Variants in RNF13 observed in about 807,000 individuals in gnomAD.
RNF13 encodes the protein ring finger protein 13, also known as E3 ubiquitin-protein ligase RNF13.
A neutral mutation model predicts 37.7 loss-of-function variants in RNF13; 19 were observed. That is an observed-to-expected ratio of 0.50 (90% CI 0.35 to 0.74). The LOEUF (loss-of-function observed/expected upper bound fraction) is 0.74. Among genes scored for constraint, RNF13 ranks in the 30% least tolerant of loss-of-function variants. RNF13 has a pLI of 0.01. For synonymous variants in RNF13, 144 were observed against 157.8 expected, an observed-to-expected ratio of 0.91 and a Z score of 0.65; for missense variants, 375 against 453.0, an observed-to-expected ratio of 0.83 and a Z score of 1.56.
chr3:149,863,133 T>C (rs1724444271), intron 3 of RNF13, among the ~76,000 whole-genome samples: 1 of 152,222 alleles, frequency 6.6e-6, no homozygotes, highest in Non-Finnish European at 1.5e-5. Flanking sequence ...AAATAATTCC[T>C]CTAGTTAGGA....
rs112240963 is a variant in RNF13, at chr3:149,938,487, AT to A, written c.700+17274del. ...CGTGCCTGGCCATATTGTTATTATT[AT>A]TTTTTTTTTTTTTGGAGAATTGATC... On this transcript the variant is annotated intron_variant, in intron 8 of 9. Transcript: ENST00000392894. Among the ~76,000 whole-genome samples the A allele has an allele frequency of 6.3e-3, 879 of 139,268 alleles. 2 individuals carry two copies. Among genetic ancestry groups the A allele is most frequent in the Middle Eastern group, 0.027 (7 of 260 alleles). The allele number at this position is 139,268 out of a possible 152,430, so 91.4% of individuals were successfully genotyped here.
At chr3:149,838,126 G>C (rs1721814480) in intron 1 of RNF13, among the ~76,000 whole-genome samples, 1 of 152,212 alleles carries the variant, frequency 6.6e-6, no homozygotes, top group Non-Finnish European at 1.5e-5. Flanking sequence ...AGGTCACGCT[G>C]ATGCAAGAGG....
intron 3 of RNF13, among the ~76,000 whole-genome samples, chr3:149,853,391 T>G (rs1723288974): frequency 6.6e-6 from 1 of 151,764 alleles, no homozygotes; most frequent in African/African-American, 2.4e-5. Flanking sequence ...CTTTTGCTAA[T>G]TTGATTTTAA....
chr3:149,955,096 T>A (rs1576601607), intron 8 of RNF13, among the ~76,000 whole-genome samples: 1 of 152,172 alleles, frequency 6.6e-6, no homozygotes, highest in Non-Finnish European at 1.5e-5. Flanking sequence ...GTAGATTTCA[T>A]ATCTGACATT....
chr3:149,901,239 G>A (rs1292792482), intron 5 of RNF13, among the ~76,000 whole-genome samples: 1 of 151,918 alleles, frequency 6.6e-6, no homozygotes, highest in East Asian at 1.9e-4. Context: ...AATATGCATT[G>A]TTTTTAAAAT....
intron 4 of RNF13, 104 bp downstream of exon 4, chr3:149,872,258 C>A (rs1712158755): frequency 1.3e-6 from 1 of 764,306 alleles, no homozygotes; most frequent in Non-Finnish European, 2.0e-6. Flanking sequence ...ATTTAAAATC[C>A]AGTAAGATTG....
chr3:149,876,651 A>G lies in RNF13; in HGVS notation c.321+4497A>G, dbSNP rs1021189637. ...TGTCTTAGTTTCTGTCATGTCCTCC[A>G]TCTGGCATGTCCTCCTTCTACTTGT... On this transcript the variant is annotated intron_variant, in intron 4 of 9. Transcript: ENST00000392894. Among the ~76,000 whole-genome samples the G allele has an allele frequency of 2.0e-5, 3 of 151,562 alleles. No homozygotes were observed. In the South Asian group the frequency reaches 6.2e-4, roughly 32 times the overall value.
At chr3:149,854,217 A>G (rs1445422851) in intron 3 of RNF13, among the ~76,000 whole-genome samples, 2 of 151,718 alleles carry the variant, frequency 1.3e-5, no homozygotes, top group Admixed American at 1.3e-4. Context: ...TGAATTTTTA[A>G]TTATTAAAAA....
intron 2 of RNF13, among the ~76,000 whole-genome samples, chr3:149,849,281 T>C (rs1722925406): frequency 6.6e-6 from 1 of 152,088 alleles, no homozygotes; most frequent in Non-Finnish European, 1.5e-5. Context: ...TATATGAGAG[T>C]CAAACAACCC....
chr3:149,823,635 CAA>C (rs1295069288), intron 1 of RNF13, among the ~76,000 whole-genome samples: 5 of 151,940 alleles, frequency 3.3e-5, no homozygotes, highest in Non-Finnish European at 4.4e-5. Flanking sequence ...AGAAAATAGA[CAA>C]AGTCATGTGT....
chr3:149,849,641 A>T (rs1203009510), intron 2 of RNF13, among the ~76,000 whole-genome samples: 1 of 152,148 alleles, frequency 6.6e-6, no homozygotes. Context: ...CTCGGTTAGA[A>T]TCCTGGTTCT....
At chr3:149,839,757 A>C (rs1559898403) in intron 1 of RNF13, among the ~76,000 whole-genome samples, 1 of 152,108 alleles carries the variant, frequency 6.6e-6, no homozygotes, top group African/African-American at 2.4e-5. Context: ...CATCATAGCT[A>C]AGGATTTTTT....
intron 5 of RNF13, among the ~76,000 whole-genome samples, chr3:149,899,772 G>A (rs574614783): frequency 6.6e-6 from 1 of 152,342 alleles, no homozygotes; most frequent in East Asian, 1.9e-4. Context: ...AAGATGTTTA[G>A]TCTGAGAAAC....
At chr3:149,930,592 G>C (rs1262293298) in intron 8 of RNF13, among the ~76,000 whole-genome samples, 1 of 152,182 alleles carries the variant, frequency 6.6e-6, no homozygotes, top group East Asian at 1.9e-4. Context: ...AATGAGTTAT[G>C]ATATACCCTC....
chr3:149,815,815 G>C (rs1422308951), intron 1 of RNF13, among the ~76,000 whole-genome samples: 1 of 152,134 alleles, frequency 6.6e-6, no homozygotes, highest in Non-Finnish European at 1.5e-5. Flanking sequence ...AATATTGATT[G>C]GTTAATATGA....
At chr3:149,954,737 A>G (rs1046157279) in intron 8 of RNF13, among the ~76,000 whole-genome samples, 1 of 152,186 alleles carries the variant, frequency 6.6e-6, no homozygotes, top group African/African-American at 2.4e-5. Flanking sequence ...AAATGATTTA[A>G]GTATTAACTT....
chr3:149,934,474 A>T (rs1719482487), intron 8 of RNF13, among the ~76,000 whole-genome samples: 1 of 151,678 alleles, frequency 6.6e-6, no homozygotes, highest in Admixed American at 6.6e-5. Context: ...TTGATGGAGG[A>T]TTATTGCTAT....
intron 4 of RNF13, among the ~76,000 whole-genome samples, chr3:149,879,307 ATTTT>A (rs3028508): frequency 7.3e-6 from 1 of 137,422 alleles, no homozygotes; most frequent in Non-Finnish European, 1.5e-5. Context: ...TTATCAGGTA[ATTTT>A]TTTTTTTTTT....
intron 3 of RNF13, among the ~76,000 whole-genome samples, chr3:149,868,502 TC>T (rs1241798677): frequency 6.6e-6 from 1 of 151,620 alleles, no homozygotes; most frequent in Non-Finnish European, 1.5e-5. Flanking sequence ...AGGTTTCCTT[TC>T]TTCCTCCCTG....
Sources: allele counts gnomAD v4.1 joint callset (sites outside exome capture counted in the v4.1 genomes callset), GRCh38; gene constraint gnomAD v4.1.1; transcripts MANE v1.5; gene names NCBI Gene and HGNC (gene_info 2026-07-23, HGNC 2026-07-21).